Variants in DISP1 observed in about 807,000 individuals in gnomAD.
DISP1 encodes the protein dispatched RND transporter family member 1.
A neutral mutation model predicts 37.3 loss-of-function variants in DISP1; 30 were observed. The ratio of observed to expected loss-of-function variants is 0.80; its 90% CI spans 0.60 to 1.09. The LOEUF is 1.09. Among genes scored for constraint, DISP1 ranks in the 50% least tolerant of loss-of-function variants. The pLI is 0.00. For missense variants in DISP1, 1,598 were observed against 1,879.5 expected, an observed-to-expected ratio of 0.85 and a Z score of 2.77; for synonymous variants, 634 against 690.2, an observed-to-expected ratio of 0.92 and a Z score of 1.28.
At chr1:222,913,657 A>G (rs2125427004) in intron 1 of DISP1, among the ~76,000 whole-genome samples, 1 of 152,246 alleles carries the variant, frequency 6.6e-6, no homozygotes, top group East Asian at 1.9e-4. Flanking sequence ...TTGTAATACC[A>G]GTACTTTGGG....
chr1:222,959,802 GA>G (rs529076766), intron 3 of DISP1, among the ~76,000 whole-genome samples: 3,025 of 120,904 alleles, frequency 0.025, 38 homozygotes, highest in Non-Finnish European at 0.028. Flanking sequence ...AAATGGGGAA[GA>G]AAAAAAAAAA....
rs751946427 is a variant in DISP1, at chr1:222,992,127, A to G, written c.889+17A>G. The stretch of plus-strand genomic sequence containing the variant: ...ACGTTCCAAGTGAGTGACATTGTAG[A>G]TGAACAAACCACTCAGCAGTTTGCT... On this transcript the variant is annotated intron_variant, in intron 7 of 8. Coordinates refer to ENST00000675850, the MANE Select transcript of DISP1 (RefSeq NM_001377229.1). The G allele has an allele frequency of 1.9e-6, 3 of 1,584,900 alleles. No homozygotes were observed. Among genetic ancestry groups the G allele is most frequent in the Admixed American group, 1.7e-5 (1 of 59,956 alleles).
chr1:222,962,276 A>G (rs1676126910), intron 3 of DISP1, among the ~76,000 whole-genome samples: 1 of 152,212 alleles, frequency 6.6e-6, no homozygotes. Context: ...GCTCAAGGAA[A>G]TAAGAGAAGA....
At chr1:222,970,292 A>C (rs1446366618) in intron 3 of DISP1, among the ~76,000 whole-genome samples, 7 of 152,136 alleles carry the variant, frequency 4.6e-5, no homozygotes, top group African/African-American at 1.7e-4. Flanking sequence ...ACAGATGGAG[A>C]ATTCTGCTCT....
intron 1 of DISP1, among the ~76,000 whole-genome samples, chr1:222,817,646 T>C (rs1661584182): frequency 6.6e-6 from 1 of 152,242 alleles, no homozygotes; most frequent in South Asian, 2.1e-4. Flanking sequence ...AGCATGGCCC[T>C]TAATGAGGTT....
chr1:222,830,382 A>C (rs1334514502), intron 1 of DISP1, among the ~76,000 whole-genome samples: 12 of 142,216 alleles, frequency 8.4e-5, no homozygotes, highest in South Asian at 4.5e-4. Flanking sequence ...CCTTCCTTCC[A>C]CCTTCCTTTT....
In DISP1 at chr1:222,942,963, G is replaced by C; in HGVS notation, c.140G>C (p.Arg47Thr). ...AQQLTPKEAT[R>T]TKVSPNGCLQ... is the part of the protein sequence containing the mutation. ...CAGCTCACACCCAAAGAAGCAACAA[G>C]AACAAAAGTGAGTCCAAATGGATGC... Residue 47 changes from arginine to threonine, a missense_variant, in exon 3 of 9, where the codon AGA becomes ACA. By Grantham distance (71) the Arg-to-Thr change is moderately conservative. Coordinates refer to ENST00000675850, the MANE Select transcript of DISP1 (RefSeq NM_001377229.1). 3.7e-6 allele frequency: 6 copies of C among 1,614,166 alleles called. No homozygotes were observed. The highest frequency in any genetic ancestry group is 5.1e-6 in the Non-Finnish European group (6 of 1,180,028).
chr1:222,854,916 A>G (rs1306858691), intron 1 of DISP1, among the ~76,000 whole-genome samples: 9 of 151,938 alleles, frequency 5.9e-5, no homozygotes, highest in African/African-American at 2.2e-4. Context: ...TGTGGCCTGG[A>G]AAAGTGGGAT....
At chr1:223,000,762 C>A (rs1041548189) in intron 8 of DISP1, among the ~76,000 whole-genome samples, 7 of 152,082 alleles carry the variant, frequency 4.6e-5, no homozygotes, top group Non-Finnish European at 8.8e-5. Context: ...TAACTTGGTT[C>A]TTGGGTAAGT....
chr1:222,918,358 A>G (rs1672611537), intron 1 of DISP1, among the ~76,000 whole-genome samples: 1 of 152,220 alleles, frequency 6.6e-6, no homozygotes. Context: ...AATTTTGGGC[A>G]CAAGTCATCT....
At chr1:222,816,782 C>A (rs764674713) in intron 1 of DISP1, among the ~76,000 whole-genome samples, 22 of 152,112 alleles carry the variant, frequency 1.4e-4, no homozygotes, top group Non-Finnish European at 3.2e-4. Flanking sequence ...AATAAGTTTT[C>A]AAATTACAAA....
chr1:223,005,007 G>T lies in DISP1; in HGVS notation c.3610G>T (p.Ala1204Ser). The change falls in exon 9 of 9, where the codon GCC becomes TCC. Residue 1204 changes from alanine (A) to serine (S), a missense_variant. Physicochemically the swap from Ala to Ser is moderately conservative, Grantham distance 99. Coordinates refer to ENST00000675850, the MANE Select transcript of DISP1 (RefSeq NM_001377229.1). The stretch of plus-strand genomic sequence containing the variant: ...ACCTCTGGCTTCCCACAGCTGCACT[G>T]CCCCTGAGAAGACCACTTATGAAGA... ...LEPLASHSCT[A>S]PEKTTYEETH... The T allele has an allele frequency of 6.2e-7, 1 of 1,614,134 alleles. No homozygotes were observed. Among genetic ancestry groups the T allele is most frequent in the Non-Finnish European group, 8.5e-7 (1 of 1,180,040 alleles).
chr1:222,923,354 C>T (rs1257033585), intron 1 of DISP1, among the ~76,000 whole-genome samples: 9 of 152,148 alleles, frequency 5.9e-5, no homozygotes, highest in South Asian at 2.1e-4. Context: ...TGAAATGTGA[C>T]GCCTTGTGCA....
At chr1:222,917,888 G>A (rs1672584202) in intron 1 of DISP1, among the ~76,000 whole-genome samples, 1 of 152,094 alleles carries the variant, frequency 6.6e-6, no homozygotes, top group South Asian at 2.1e-4. Context: ...TTTGGTAGTT[G>A]ATCCAAGGGG....
At position 222,989,288 on chromosome 1, in the gene DISP1, C is replaced by T. The variant is rs180979495; in HGVS notation, c.540-1337C>T. The stretch of plus-strand genomic sequence containing the variant: ...CCATTGCAGCAGCCAAATGAGCTAA[C>T]ATTACTGAGAATTTGAGAGTAGTGG... On this transcript the variant is annotated intron_variant, in intron 4 of 8. Coordinates refer to ENST00000675850, the MANE Select transcript of DISP1 (RefSeq NM_001377229.1). The T allele has an allele frequency of 6.2e-6, 5 of 811,290 alleles. No individual in the cohort carries two copies. The East Asian group carries it at 6.2e-4, about 101-fold the overall frequency. 50.3% of individuals were successfully genotyped at this position (811,290 alleles called of 1,614,324 possible).
intron 1 of DISP1, among the ~76,000 whole-genome samples, chr1:222,903,222 C>T (rs1671703833): frequency 6.8e-6 from 1 of 147,774 alleles, no homozygotes; most frequent in Non-Finnish European, 1.5e-5. Flanking sequence ...ACCACATGTT[C>T]TCACTCATAG....
chr1:222,820,323 G>A (rs1298107581), intron 1 of DISP1, among the ~76,000 whole-genome samples: 7 of 152,318 alleles, frequency 4.6e-5, no homozygotes, highest in African/African-American at 9.6e-5. Context: ...ACATAGTGAC[G>A]TGTGATACCC....
intron 1 of DISP1, among the ~76,000 whole-genome samples, chr1:222,905,422 T>TCTGAGCCTGCC (rs1357854129): frequency 8.3e-6 from 1 of 120,166 alleles, no homozygotes; most frequent in Non-Finnish European, 2.1e-5. Context: ...TAGAAATGGC[T>TCTGAGCCTGCC]AATTAAAGAA....
At chr1:222,981,646 A>G (rs115403148) in intron 3 of DISP1, among the ~76,000 whole-genome samples, 2,266 of 152,354 alleles carry the variant, frequency 0.015, 49 homozygotes, top group South Asian at 0.097. Flanking sequence ...GGAGAAATGT[A>G]AATGGAGAGA....
Sources: gnomAD v4.1 joint callset for allele counts (sites outside exome capture counted in the v4.1 genomes callset) on GRCh38, gnomAD v4.1.1 for gene constraint, MANE v1.5 for transcripts, NCBI Gene and HGNC (gene_info 2026-07-23, HGNC 2026-07-21) for gene names.